CIAO3: variants seen among roughly 807,000 people sequenced by gnomAD.
CIAO3 encodes the protein cytosolic iron-sulfur assembly component 3.
CIAO3 carries 45 observed loss-of-function variants against 51.5 expected under a neutral mutation model. The observed-to-expected ratio is 0.87, with a 90% CI of 0.69 to 1.12. The LOEUF is 1.12. Among genes scored for constraint, CIAO3 ranks in the 50% most tolerant of loss-of-function variants. CIAO3 has a pLI of 0.00. For missense variants in CIAO3, 668 were observed against 632.5 expected (o/e 1.06, Z -0.60); for synonymous variants, 314 against 269.3 (o/e 1.17, Z -1.63).
At position 732,361 on chromosome 16, in the gene CIAO3, C is replaced by A. The variant is rs139320158; in HGVS notation, c.836G>T (p.Arg279Met). The change falls in exon 8 of 11, where the codon AGG (arginine) becomes ATG (methionine). Residue 279 changes from arginine (R) to methionine (M), a missense_variant. Physicochemically the swap from Arg to Met is moderately conservative, Grantham distance 91. Transcript: ENST00000251588. The stretch of plus-strand genomic sequence containing the variant: ...GGAGACGCCCTCTTCCTCCAGCAAC[C>A]TGAAAACTTCTCCTGCAAAGAAGCC... ...DCVLTTGEVFRLLEEEGVSLP... is the reference protein window; with the variant it reads ...DCVLTTGEVFMLLEEEGVSLP... 1,007 of 1,612,902 alleles carry A rather than the reference C, an allele frequency of 6.2e-4. 14 individuals carry two copies. The East Asian group carries it at 0.02, about 33-fold the overall frequency.
chr16:736,478 C>T lies in CIAO3; in HGVS notation c.307-80G>A. ...GTGGCCAGAGCCGCACGGTGAGATGCTGTCAGCTGTGGAGAGGGCAGGCCA... is the reference window on the plus strand; with the variant it reads ...GTGGCCAGAGCCGCACGGTGAGATGTTGTCAGCTGTGGAGAGGGCAGGCCA... On this transcript the variant is annotated intron_variant, in intron 3 of 10. Coordinates refer to ENST00000251588, the MANE Select transcript of CIAO3 (RefSeq NM_022493.3). The T allele has an allele frequency of 3.2e-6, 5 of 1,571,658 alleles. No individual in the cohort carries two copies. The Admixed American group carries it at 8.5e-5, about 27-fold the overall frequency.
chr16:734,057 T>G, intron 6 of CIAO3, 172 bp downstream of exon 6: 3 of 633,666 alleles, frequency 4.7e-6, no homozygotes, highest in Non-Finnish European at 8.4e-6. Context: ...CGAAGCCCTC[T>G]GCTGCAGAAG....
intron 1 of CIAO3, chr16:740,173 C>T (rs111607901): frequency 1.6e-6 from 2 of 1,227,386 alleles, no homozygotes; most frequent in African/African-American, 1.5e-5. Flanking sequence ...CCTTGAGAAC[C>T]CTGGCAGCCC....
intron 7 of CIAO3, chr16:732,593 A>T: frequency 1.5e-6 from 1 of 658,344 alleles, no homozygotes. Flanking sequence ...CGGCCAGGCC[A>T]CTCTGCTCAC....
At chr16:734,644 C>T (rs771691557) in intron 5 of CIAO3, 93 bp downstream of exon 5, 3 of 1,604,080 alleles carry the variant, frequency 1.9e-6, no homozygotes, top group Non-Finnish European at 2.6e-6. Context: ...GTCTCCACCC[C>T]CCATGCCCCC....
intron 2 of CIAO3, chr16:739,357 A>G: frequency 4.4e-6 from 2 of 457,280 alleles, no homozygotes; most frequent in South Asian, 2.5e-5. Context: ...AAAATCTTAC[A>G]TGGTTAGAAC....
intron 2 of CIAO3, chr16:738,542 C>CG (rs2041362051): frequency 6.9e-6 from 1 of 144,590 alleles, no homozygotes; most frequent in Admixed American, 6.8e-5. Context: ...TTAGTAGAGA[C>CG]GGGGTTTCAC....
Position 739,681 on chromosome 16 carries a change from G to C in CIAO3, c.124C>G (p.Arg42Gly), listed in dbSNP as rs753398706. The change falls in exon 2 of 11, where the codon CGC (arginine) becomes GGC (glycine). Residue 42 changes from arginine (R) to glycine (G), a missense_variant. Physicochemically the swap from Arg to Gly is moderately radical, Grantham distance 125 (BLOSUM62 -2). Transcript: ENST00000251588. ...KRAGSGVAKI[R>G]IEDDGSYFQI... Reference sequence around the variant, plus strand: ...AAGTAGCTCCCGTCATCTTCAATGCGAATCTTGGCCACGCCACTTCCCGCC... The same window carrying C: ...AAGTAGCTCCCGTCATCTTCAATGCCAATCTTGGCCACGCCACTTCCCGCC... 2 of 1,614,116 alleles carry C rather than the reference G, an allele frequency of 1.2e-6. No homozygotes were observed. Among genetic ancestry groups the C allele is most frequent in the Non-Finnish European group, 1.7e-6 (2 of 1,180,026 alleles).
chr16:733,193 C>G, intron 7 of CIAO3, 105 bp downstream of exon 7: 12 of 1,457,570 alleles, frequency 8.2e-6, no homozygotes, highest in Non-Finnish European at 1.1e-5. Context: ...CACACTCCAG[C>G]CAGGGCCCCC....
chr16:739,645 G>C lies in CIAO3; in HGVS notation c.160C>G (p.Gln54Glu). Residue 54 changes from glutamine to glutamate, a missense_variant and splice_region_variant, in exon 2 of 11, where the codon CAA becomes GAA. By Grantham distance (29) the Gln-to-Glu change is conservative (BLOSUM62 2). Coordinates refer to ENST00000251588, the MANE Select transcript of CIAO3 (RefSeq NM_022493.3). ...EDDGSYFQINQDGGTRRLEKA... is the reference protein window; with the variant it reads ...EDDGSYFQINEDGGTRRLEKA... ...TGGAGCAGCCTCCTGTGCCTTACTT[G>C]GTTAATTTGGAAGTAGCTCCCGTCA... 1.2e-6 allele frequency: 2 copies of C among 1,613,952 alleles called. No individual in the cohort carries two copies. Among genetic ancestry groups the C allele is most frequent in the Middle Eastern group, 1.6e-4 (1 of 6,062 alleles).
chr16:738,654 GTTTC>G (rs1221780520), intron 2 of CIAO3, among the ~76,000 whole-genome samples: 1 of 146,254 alleles, frequency 6.8e-6, no homozygotes, highest in African/African-American at 2.6e-5. Context: ...GCCAGGCCCA[GTTTC>G]TTTATTTTTT....
rs200635930 is a variant in CIAO3 at position 736,381 on chromosome 16, C to A, written c.324G>T (p.Gln108His). The part of the protein sequence containing the change: ...LDANKMAAPS[Q>H]QRLVVVSVSP... ...AGACCGAAACTACAACCAGCCTCTG[C>A]TGACTGGGTGCCGCCATCTGCAAAG... The change falls in exon 4 of 11, where the codon CAG becomes CAT. Residue 108 changes from glutamine (Q) to histidine (H), a missense_variant. By Grantham distance (24) the Gln-to-His change is conservative. Transcript: ENST00000251588. The A allele has an allele frequency of 6.2e-7, 1 of 1,612,816 alleles. No homozygotes were observed. The highest frequency in any genetic ancestry group is 1.3e-5 in the African/African-American group (1 of 74,932).
chr16:740,947 G>A lies in CIAO3; in HGVS notation c.39C>T (p.Asp13=), dbSNP rs1325368229. 2 of 1,522,056 alleles carry A rather than the reference G, an allele frequency of 1.3e-6. No homozygotes were observed. Among genetic ancestry groups the A allele is most frequent in the Non-Finnish European group, 1.8e-6 (2 of 1,138,928 alleles). 94.3% of individuals were successfully genotyped at this position (1,522,056 alleles called of 1,614,324 possible). Residue 13 remains aspartate (D), a synonymous_variant, in exon 1 of 11, where the codon GAC becomes GAT. Coordinates refer to ENST00000251588, the MANE Select transcript of CIAO3 (RefSeq NM_022493.3). ...SPFSGALQLT[D]LDDFIGPSQE... is the part of the protein sequence containing the mutation. The stretch of plus-strand genomic sequence containing the variant: ...GAGACGGCCCGATGAAGTCATCCAG[G>A]TCCGTCAGCTGCAGCGCCCCGCTGA...
At chr16:739,760 A>T in intron 1 of CIAO3, 22 bp from the exon 2 acceptor site, 1 of 1,610,522 alleles carries the variant, frequency 6.2e-7, no homozygotes, top group Non-Finnish European at 8.5e-7. Flanking sequence ...AGAGACCCCA[A>T]ATCAGCCCCT....
chr16:730,140 C>A lies in CIAO3; in HGVS notation c.*277G>T. 1.8e-6 allele frequency: 1 copy of A among 544,382 alleles called. No homozygotes were observed. Among genetic ancestry groups the A allele is most frequent in the Non-Finnish European group, 3.3e-6 (1 of 304,260 alleles). 33.7% of individuals were successfully genotyped at this position (544,382 alleles called of 1,614,324 possible). A position where few individuals can be genotyped will look rare whatever the true frequency, so the allele number is the denominator to read the frequency against. On this transcript the variant is annotated 3_prime_UTR_variant, in exon 11 of 11. Coordinates refer to ENST00000251588, the MANE Select transcript of CIAO3 (RefSeq NM_022493.3). ...AGCAGCAAGGGCAGCACCTGTGGGC[C>A]TCGGCCCAGGGCCAACGGAACAGGC...
intron 7 of CIAO3, 38 bp downstream of exon 7, chr16:733,260 G>A: frequency 6.2e-7 from 1 of 1,608,922 alleles, no homozygotes. Context: ...ATCAGACCAG[G>A]AGGCTTGAGG....
intron 2 of CIAO3, chr16:738,471 C>G (rs2041360864): frequency 2.5e-6 from 1 of 394,796 alleles, no homozygotes; most frequent in Admixed American, 6.5e-5. Context: ...GCCTCAGCTT[C>G]CCGGTAGCTG....
chr16:740,502 T>G (rs75279373), intron 1 of CIAO3: 14,458 of 301,748 alleles, frequency 0.048, 2,138 homozygotes, highest in African/African-American at 0.3. Flanking sequence ...CAAGGCGTCC[T>G]GCGCAGGGGA....
chr16:733,332 G>A lies in CIAO3; in HGVS notation c.789C>T (p.His263=). ...GGACACAGTCCACATCCCGTGTCTG[G>A]TGCTCCTGGTTGAAAAAGTCGGGTC... ...ASRPDFFNQE[H]QTRDVDCVLT... Residue 263 remains histidine, a synonymous_variant, in exon 7 of 11, where the codon CAC becomes CAT. Coordinates refer to ENST00000251588, the MANE Select transcript of CIAO3 (RefSeq NM_022493.3). 6.2e-7 allele frequency: 1 copy of A among 1,613,810 alleles called. No individual in the cohort carries two copies. Among genetic ancestry groups the A allele is most frequent in the Non-Finnish European group, 8.5e-7 (1 of 1,180,004 alleles).
Sources: gnomAD v4.1 joint callset for allele counts (sites outside exome capture counted in the v4.1 genomes callset) on GRCh38, gnomAD v4.1.1 for gene constraint, MANE v1.5 for transcripts, NCBI Gene and HGNC (gene_info 2026-07-23, HGNC 2026-07-21) for gene names.